BCAR3: variants seen among roughly 807,000 people sequenced by gnomAD.
BCAR3 encodes breast cancer anti-estrogen resistance protein 3.
Under a neutral mutation model 80.1 loss-of-function variants are expected in BCAR3, and 37 were observed. The observed-to-expected ratio is 0.46, with a 90% CI of 0.36 to 0.61. The LOEUF (loss-of-function observed/expected upper bound fraction) is 0.61. Ranked by LOEUF, BCAR3 falls within the 20% of genes least tolerant of loss-of-function variation. The probability of loss-of-function intolerance (pLI) is 0.00; values close to 1 mark genes in which losing one functional copy is unlikely to be tolerated. For missense variants in BCAR3, 978 were observed against 1,068.2 expected (o/e 0.92, Z 1.18); for synonymous variants, 389 against 418.9 (o/e 0.93, Z 0.87).
At chr1:93,630,809 G>C (rs1454646475) in intron 3 of BCAR3, among the ~76,000 whole-genome samples, 3 of 152,054 alleles carry the variant, frequency 2.0e-5, no homozygotes, top group Admixed American at 2.0e-4. Context: ...AGTACATGTG[G>C]GGCACTGTGC....
intron 2 of BCAR3, among the ~76,000 whole-genome samples, chr1:93,659,154 A>T (rs1647531827): frequency 6.6e-6 from 1 of 152,176 alleles, no homozygotes; most frequent in Non-Finnish European, 1.5e-5. Context: ...AGAGGGAATG[A>T]AGGGATAGGG....
upstream of BCAR3, among the ~76,000 whole-genome samples, chr1:93,685,113 G>A (rs2101959517): frequency 6.6e-6 from 1 of 152,286 alleles, no homozygotes; most frequent in Admixed American, 6.5e-5. Flanking sequence ...CTGGCACATG[G>A]TAGATGCTCA....
chr1:93,758,441 C>T (rs558693814), intron 2 of BCAR3, among the ~76,000 whole-genome samples: 14 of 152,304 alleles, frequency 9.2e-5, no homozygotes, highest in South Asian at 2.1e-4. Context: ...GGAGCCCAGA[C>T]GACCAGCTTA....
At chr1:93,789,011 C>T (rs1468762364) in intron 2 of BCAR3, among the ~76,000 whole-genome samples, 2 of 152,184 alleles carry the variant, frequency 1.3e-5, no homozygotes, top group Non-Finnish European at 2.9e-5. Context: ...CTATCTTTCT[C>T]TCTTTTTTGA....
intron 2 of BCAR3, among the ~76,000 whole-genome samples, chr1:93,800,267 A>T (rs1653429853): frequency 6.6e-6 from 1 of 152,100 alleles, no homozygotes; most frequent in Non-Finnish European, 1.5e-5. Context: ...ATAATTAGGG[A>T]TTTGGCTTAA....
At chr1:93,746,920 C>T (rs1651377386) in intron 2 of BCAR3, among the ~76,000 whole-genome samples, 1 of 152,184 alleles carries the variant, frequency 6.6e-6, no homozygotes. Flanking sequence ...AACACTCCTA[C>T]TCTTCTCAAT....
chr1:93,830,507 G>T (rs10874797), intron 2 of BCAR3, among the ~76,000 whole-genome samples: 91,595 of 151,870 alleles, frequency 0.6, 28,873 homozygotes, highest in East Asian at 0.78. Context: ...TGAAATTCCT[G>T]CTCCTGGCTC....
chr1:93,637,411 T>A (rs1473710539), intron 3 of BCAR3, among the ~76,000 whole-genome samples: 6 of 152,070 alleles, frequency 3.9e-5, no homozygotes, highest in Non-Finnish European at 8.8e-5. Flanking sequence ...CACCTCGGGC[T>A]CCCAAAGTGC....
chr1:93,657,217 C>G (rs1465537049), intron 2 of BCAR3, among the ~76,000 whole-genome samples: 1 of 152,078 alleles, frequency 6.6e-6, no homozygotes, highest in Non-Finnish European at 1.5e-5. Context: ...TTCCCATCAG[C>G]ATTTGTGTAG....
intron 3 of BCAR3, among the ~76,000 whole-genome samples, chr1:93,639,267 C>T (rs566053530): frequency 7.2e-5 from 11 of 152,260 alleles, no homozygotes; most frequent in African/African-American, 2.4e-4. Context: ...ACTGCCAGAG[C>T]TGAATGTTGG....
chr1:93,669,303 G>A (rs557903270), intron 2 of BCAR3, among the ~76,000 whole-genome samples: 15 of 152,320 alleles, frequency 9.8e-5, no homozygotes, highest in African/African-American at 3.6e-4. Flanking sequence ...ATACAGCCCA[G>A]AGTTAGGGCT....
rs548447116 is a variant in BCAR3 at position 93,732,769 on chromosome 1, GC to G, written c.-62-26628del. Among the ~76,000 whole-genome samples, 14 of 152,272 alleles carry G rather than the reference GC, an allele frequency of 9.2e-5. No homozygotes were observed. The South Asian group carries it at 2.9e-3, about 32-fold the overall frequency. On this transcript the variant is annotated intron_variant, in intron 2 of 13. Coordinates refer to the BCAR3 transcript ENST00000370244. ...GATGCCTTCTCCAAAACCCCAAACT[GC>G]AGAAAACAGCCTCAGGAAAGTAAAG...
chr1:93,649,337 G>T (rs893153869), intron 2 of BCAR3, among the ~76,000 whole-genome samples: 7 of 152,184 alleles, frequency 4.6e-5, no homozygotes, highest in African/African-American at 1.7e-4. Context: ...TTCCATCTTT[G>T]TGTGGGGACA....
chr1:93,711,398 A>G (rs767255299), intron 2 of BCAR3, among the ~76,000 whole-genome samples: 11 of 152,206 alleles, frequency 7.2e-5, no homozygotes, highest in Non-Finnish European at 1.5e-4. Context: ...TGTGTCTGTC[A>G]TTATTCAGCC....
intron 2 of BCAR3, among the ~76,000 whole-genome samples, chr1:93,816,594 C>A (rs1224799809): frequency 6.8e-6 from 1 of 147,196 alleles, no homozygotes; most frequent in East Asian, 2.0e-4. Flanking sequence ...TCGCTTGAAC[C>A]CAGGAGGCGG....
At position 93,709,344 on chromosome 1, in the gene BCAR3, C is replaced by T. The variant is rs542445898; in HGVS notation, c.-62-3202G>A. Among the ~76,000 whole-genome samples, 19 of 152,316 alleles carry T rather than the reference C, an allele frequency of 1.2e-4. No homozygotes were observed. The South Asian group carries it at 3.5e-3, about 28-fold the overall frequency. Reference sequence around the variant, plus strand: ...CTCTTCTTCTTCCTGTCCCTCCAAGCCAGCCTGCGGTCTGTTCAAAGCACA... The same window carrying T: ...CTCTTCTTCTTCCTGTCCCTCCAAGTCAGCCTGCGGTCTGTTCAAAGCACA... On this transcript the variant is annotated intron_variant, in intron 2 of 13. Coordinates refer to the BCAR3 transcript ENST00000370244.
intron 1 of BCAR3, among the ~76,000 whole-genome samples, chr1:93,680,668 T>C (rs538933656): frequency 6.6e-6 from 1 of 152,318 alleles, no homozygotes; most frequent in East Asian, 1.9e-4. Flanking sequence ...CTACTTTCCA[T>C]CTCAGCTAAC....
intron 2 of BCAR3, among the ~76,000 whole-genome samples, chr1:93,765,595 C>T (rs76400880): frequency 0.12 from 17,788 of 152,102 alleles, 1,463 homozygotes; most frequent in African/African-American, 0.22. Context: ...AAGTTTCCTC[C>T]CACTCCCTTT....
intron 3 of BCAR3, among the ~76,000 whole-genome samples, chr1:93,690,923 A>C (rs1020300276): frequency 2.0e-5 from 3 of 152,142 alleles, no homozygotes; most frequent in African/African-American, 7.2e-5. Flanking sequence ...GGAACTTGGG[A>C]AAAAGGGGGA....
Sources: gnomAD v4.1 joint callset for allele counts (sites outside exome capture counted in the v4.1 genomes callset) on GRCh38, gnomAD v4.1.1 for gene constraint, MANE v1.5 for transcripts, NCBI Gene and HGNC (gene_info 2026-07-23, HGNC 2026-07-21) for gene names.